Variants in USP24 observed in about 807,000 individuals in gnomAD.
The protein encoded by USP24 is ubiquitin specific peptidase 24.
A neutral mutation model predicts 361.6 loss-of-function variants in USP24; 97 were observed. That is an observed-to-expected ratio of 0.27 (90% CI 0.23 to 0.32). USP24 has a LOEUF of 0.32. Ranked by LOEUF, USP24 falls within the 10% of genes least tolerant of loss-of-function variation. The pLI, the probability that USP24 is intolerant of heterozygous loss-of-function variation, is 1.00. For synonymous variants in USP24, 1,098 were observed against 1,124.6 expected (o/e 0.98, Z 0.47); for missense variants, 2,353 against 3,165.6 (o/e 0.74, Z 6.16).
At chr1:55,200,145 GT>G (rs1644532530) in intron 1 of USP24, among the ~76,000 whole-genome samples, 1 of 152,226 alleles carries the variant, frequency 6.6e-6, no homozygotes, top group African/African-American at 2.4e-5. Flanking sequence ...TGAGATGTGG[GT>G]GGGGACACAG....
At chr1:55,073,638 T>C (rs74072686) in intron 64 of USP24, among the ~76,000 whole-genome samples, 190 bp downstream of exon 64, 5,675 of 152,266 alleles carry the variant, frequency 0.037, 337 homozygotes, top group African/African-American at 0.13. Context: ...TAAAGATCTG[T>C]CACTCTTTTA....
Position 55,106,179 on chromosome 1 carries a change from C to T in USP24, c.4847G>A (p.Ser1616Asn). Residue 1616 changes from serine (S) to asparagine (N), a missense_variant, in exon 41 of 68, where the codon AGT becomes AAT. By Grantham distance (46) the Ser-to-Asn change is conservative (BLOSUM62 1). Coordinates refer to ENST00000294383, the MANE Select transcript of USP24 (RefSeq NM_015306.3). Reference protein sequence around the residue: ...IILNSHSPAGSAAISQQDFHP... With the variant: ...IILNSHSPAGNAAISQQDFHP... ...AAAGTCCTGTTGACTGATGGCGGCACTGCCAGCTGGAGAATGACTATTTAA... is the reference window on the plus strand; with the variant it reads ...AAAGTCCTGTTGACTGATGGCGGCATTGCCAGCTGGAGAATGACTATTTAA... 6.2e-7 allele frequency: 1 copy of T among 1,613,946 alleles called. No homozygotes were observed.
intron 16 of USP24, among the ~76,000 whole-genome samples, chr1:55,152,588 T>C (rs1203347889): frequency 6.6e-6 from 1 of 152,200 alleles, no homozygotes; most frequent in African/African-American, 2.4e-5. Flanking sequence ...ACTGGATGAA[T>C]TTTAATCATA....
intron 42 of USP24, among the ~76,000 whole-genome samples, chr1:55,103,062 C>T (rs1426956953): frequency 1.3e-5 from 2 of 152,186 alleles, no homozygotes; most frequent in African/African-American, 2.4e-5. Flanking sequence ...AGAACACAAA[C>T]GGCAGCTTTG....
At position 55,071,176 on chromosome 1, in the gene USP24, T is replaced by C; in HGVS notation, c.7800+638A>G. The C allele has an allele frequency of 1.0e-5, 10 of 985,994 alleles. 1 individual carries two copies. In the South Asian group the frequency reaches 3.3e-4, roughly 32 times the overall value. 61.1% of individuals were successfully genotyped at this position (985,994 alleles called of 1,614,324 possible). A position where few individuals can be genotyped will look rare whatever the true frequency, so the allele number is the denominator to read the frequency against. ...AACATTCATTTAATGGGGCCTATTC[T>C]GTACCAAGTACTGTGAAGGGACCAC... On this transcript the variant is annotated intron_variant, in intron 67 of 67. Transcript: ENST00000294383.
intron 52 of USP24, chr1:55,093,710 G>C (rs922156892): frequency 1.1e-5 from 5 of 452,858 alleles, no homozygotes; most frequent in African/African-American, 1.9e-5. Flanking sequence ...GTCAGTGATT[G>C]TGCCTGCCAA....
rs1646933753 is a variant in USP24 at position 55,143,096 on chromosome 1, T to G, written c.2463A>C (p.Ile821=). ...AQLYVEKLEL[I]GMDFIWKIAM... ...CTATTTTCCAAATGAAATCCATTCC[T>G]ATCAATTCCAGCTTTTCTACATACT... Residue 821 remains isoleucine, a synonymous_variant, in exon 22 of 68, where the codon ATA becomes ATC. Transcript: ENST00000294383. The G allele has an allele frequency of 1.3e-6, 2 of 1,520,450 alleles. No homozygotes were observed. The highest frequency in any genetic ancestry group is 1.4e-5 in the African/African-American group (1 of 70,788). 94.2% of individuals were successfully genotyped at this position (1,520,450 alleles called of 1,614,324 possible).
At chr1:55,078,716 C>CT in intron 60 of USP24, 65 bp from the exon 61 acceptor site, 1 of 1,256,654 alleles carries the variant, frequency 8.0e-7, no homozygotes, top group South Asian at 1.4e-5. Context: ...TCTGTTGTTG[C>CT]TGCCTTTAAC....
chr1:55,182,493 G>A (rs1182674711), intron 1 of USP24, among the ~76,000 whole-genome samples: 1 of 151,956 alleles, frequency 6.6e-6, no homozygotes, highest in East Asian at 1.9e-4. Flanking sequence ...CATTACCATG[G>A]GATATCCATC....
intron 46 of USP24, 23 bp downstream of exon 46, chr1:55,098,453 G>C: frequency 1.3e-6 from 2 of 1,584,994 alleles, no homozygotes; most frequent in Non-Finnish European, 8.6e-7. Context: ...CATTTTTCCT[G>C]TGTCGGTGAT....
At chr1:55,118,383 G>A (rs918742066) in intron 38 of USP24, among the ~76,000 whole-genome samples, 2 of 152,126 alleles carry the variant, frequency 1.3e-5, no homozygotes, top group Non-Finnish European at 2.9e-5. Context: ...AAGGGGCACT[G>A]GGAAAACTGG....
chr1:55,201,090 CA>C (rs1398179735), intron 1 of USP24, among the ~76,000 whole-genome samples: 1 of 152,024 alleles, frequency 6.6e-6, no homozygotes, highest in African/African-American at 2.4e-5. Context: ...CAAAAGACTA[CA>C]AAAAAATTTA....
In USP24 at chr1:55,179,592, C is replaced by T. The variant is rs1643902179; in HGVS notation, c.325-1460G>A. 2.0e-5 allele frequency among the ~76,000 whole-genome samples: 3 copies of T among 152,264 alleles called. No individual in the cohort carries two copies. In the East Asian group the frequency reaches 5.8e-4, roughly 29 times the overall value. Reference sequence around the variant, plus strand: ...TGGTCCCCTTCTTGTGTTCTTCATCCCAGTGAATGGCACCAGATTCATCTA... The same window carrying T: ...TGGTCCCCTTCTTGTGTTCTTCATCTCAGTGAATGGCACCAGATTCATCTA... On this transcript the variant is annotated intron_variant, in intron 1 of 67. Transcript: ENST00000294383.
intron 21 of USP24, among the ~76,000 whole-genome samples, chr1:55,143,409 G>A (rs190152930): frequency 7.2e-4 from 110 of 152,324 alleles, no homozygotes; most frequent in Non-Finnish European, 8.7e-4. Context: ...GGCTACTGAA[G>A]CAGAAATAGA....
intron 38 of USP24, among the ~76,000 whole-genome samples, chr1:55,111,577 A>T (rs1268065867): frequency 1.3e-5 from 2 of 152,116 alleles, no homozygotes; most frequent in Non-Finnish European, 2.9e-5. Context: ...AAAGTATACA[A>T]AGATAAAAGA....
At chr1:55,140,657 C>A (rs1646861167) in intron 24 of USP24, among the ~76,000 whole-genome samples, 1 of 152,010 alleles carries the variant, frequency 6.6e-6, no homozygotes, top group Admixed American at 6.6e-5. Flanking sequence ...AAGGAATATC[C>A]CGTTGTGAAT....
chr1:55,139,276 T>G (rs1216168492), intron 24 of USP24, among the ~76,000 whole-genome samples: 3 of 152,238 alleles, frequency 2.0e-5, no homozygotes, highest in Non-Finnish European at 4.4e-5. Flanking sequence ...TTTAAACAGT[T>G]ATTCCATAAA....
intron 5 of USP24, among the ~76,000 whole-genome samples, chr1:55,168,612 G>T (rs1439797782): frequency 6.6e-6 from 1 of 152,022 alleles, no homozygotes; most frequent in African/African-American, 2.4e-5. Flanking sequence ...GAAATGCAAC[G>T]CAAAGCTGGA....
intron 23 of USP24, among the ~76,000 whole-genome samples, chr1:55,141,942 C>T (rs188758183): frequency 1.3e-5 from 2 of 152,190 alleles, no homozygotes; most frequent in Admixed American, 1.3e-4. Flanking sequence ...CCAAATGACC[C>T]CCAGAGGCAA....
Sources: gnomAD v4.1 joint callset for allele counts (sites outside exome capture counted in the v4.1 genomes callset) on GRCh38, gnomAD v4.1.1 for gene constraint, MANE v1.5 for transcripts, NCBI Gene and HGNC (gene_info 2026-07-23, HGNC 2026-07-21) for gene names.